Variants in TNRC6C observed in about 807,000 individuals in gnomAD.
TNRC6C encodes the protein trinucleotide repeat containing adaptor 6C, also known as trinucleotide repeat-containing gene 6C protein.
In TNRC6C, 20 loss-of-function variants were observed where a neutral mutation model predicts 153.7. That is an observed-to-expected ratio of 0.13 (90% CI 0.09 to 0.19). The LOEUF (loss-of-function observed/expected upper bound fraction) is 0.19. TNRC6C is among the 10% of genes least tolerant of loss of function. The pLI, the probability that TNRC6C is intolerant of heterozygous loss-of-function variation, is 1.00. For synonymous variants in TNRC6C, 811 were observed against 841.4 expected (o/e 0.96, Z 0.63); for missense variants, 1,987 against 2,172.0 (o/e 0.91, Z 1.69).
chr17:77,981,472 T>TA (rs2071076746), intron 1 of TNRC6C, among the ~76,000 whole-genome samples: 1 of 152,202 alleles, frequency 6.6e-6, no homozygotes, highest in Non-Finnish European at 1.5e-5. Context: ...AAAAAGACAT[T>TA]ACTTTGGAGT....
intron 2 of TNRC6C, among the ~76,000 whole-genome samples, chr17:78,046,231 G>A (rs1427895460): frequency 6.6e-6 from 1 of 151,210 alleles, no homozygotes; most frequent in Non-Finnish European, 1.5e-5. Flanking sequence ...GCCCAGGCTG[G>A]AGTGCAGTGG....
chr17:78,099,498 A>G lies in TNRC6C; in HGVS notation c.4501+961A>G, dbSNP rs573893100. On this transcript the variant is annotated intron_variant, in intron 17 of 19. Coordinates refer to ENST00000301624, the Ensembl canonical transcript of TNRC6C. ...CATGGCAGCAGACAAGAAGAGAGAGAGAGCTTGTGCAGGGAAACTCCCATT... is the reference window on the plus strand; with the variant it reads ...CATGGCAGCAGACAAGAAGAGAGAGGGAGCTTGTGCAGGGAAACTCCCATT... Among the ~76,000 whole-genome samples, 276 of 152,306 alleles carry G rather than the reference A, an allele frequency of 1.8e-3. 1 individual carries two copies. Among genetic ancestry groups the G allele is most frequent in the Non-Finnish European group, 3.1e-3 (210 of 68,024 alleles).
intron 11 of TNRC6C, among the ~76,000 whole-genome samples, chr17:78,084,563 A>G (rs1427073598): frequency 1.3e-5 from 2 of 151,844 alleles, no homozygotes; most frequent in Admixed American, 1.3e-4. Flanking sequence ...ACAGAGCTCT[A>G]GACATGAGGT....
At chr17:78,044,749 C>T (rs1007524975) in intron 2 of TNRC6C, among the ~76,000 whole-genome samples, 1 of 152,200 alleles carries the variant, frequency 6.6e-6, no homozygotes, top group African/African-American at 2.4e-5. Context: ...GTAGTTGTGA[C>T]AGAGACTATA....
At chr17:77,958,734 C>G (rs557415876), upstream of TNRC6C, among the ~76,000 whole-genome samples, 1 of 151,280 alleles carries the variant, frequency 6.6e-6, no homozygotes, top group South Asian at 2.1e-4. Flanking sequence ...GCGGTGGCAG[C>G]TCCGCACCTC....
chr17:78,089,499 C>T (rs1048115474), intron 13 of TNRC6C, among the ~76,000 whole-genome samples: 2 of 152,114 alleles, frequency 1.3e-5, no homozygotes, highest in African/African-American at 2.4e-5. Context: ...GTTGAAGAGC[C>T]TGTTAGACAC....
chr17:78,086,713 G>A, intron 12 of TNRC6C, 127 bp downstream of exon 14: 1 of 1,557,210 alleles, frequency 6.4e-7, no homozygotes, highest in Non-Finnish European at 8.8e-7. Context: ...AAAATTCCTG[G>A]GTTCAGCTAG....
At chr17:77,976,373 A>T (rs371578159) in intron 1 of TNRC6C, among the ~76,000 whole-genome samples, 22 of 152,222 alleles carry the variant, frequency 1.4e-4, no homozygotes, top group African/African-American at 4.8e-4. Flanking sequence ...TGAGCAAAAG[A>T]TGTGGGATAG....
intron 5 of TNRC6C, 85 bp downstream of exon 7, chr17:78,068,008 A>C: frequency 6.8e-7 from 1 of 1,481,076 alleles, no homozygotes; most frequent in African/African-American, 1.4e-5. Context: ...TCAGACAAAA[A>C]GATAGACCTG....
Position 77,986,479 on chromosome 17 carries a change from G to A in TNRC6C, c.-37-17691G>A, listed in dbSNP as rs527728333. 7.9e-5 allele frequency among the ~76,000 whole-genome samples: 12 copies of A among 151,862 alleles called. 1 individual carries two copies. The highest frequency in any genetic ancestry group is 2.9e-4 in the African/African-American group (12 of 41,436). Reference sequence around the variant, plus strand: ...TGAAAGAGGGAAAAAATGGAGAGATGTTCTCAAATAGGAAAATTAATTCTT... The same window carrying A: ...TGAAAGAGGGAAAAAATGGAGAGATATTCTCAAATAGGAAAATTAATTCTT... On this transcript the variant is annotated intron_variant, in intron 1 of 22. Transcript: ENST00000636222.
chr17:78,086,933 G>T, exon 13 of TNRC6C: 1 of 1,612,522 alleles, frequency 6.2e-7, no homozygotes. Context: ...TCGTGAAGCA[G>T]CCACCACCGC....
At chr17:78,096,447 G>T (rs1487281358) in intron 16 of TNRC6C, among the ~76,000 whole-genome samples, 1 of 152,190 alleles carries the variant, frequency 6.6e-6, no homozygotes, top group Non-Finnish European at 1.5e-5. Flanking sequence ...GTGAAGACCT[G>T]CAGATTACCC....
intron 1 of TNRC6C, among the ~76,000 whole-genome samples, chr17:77,963,554 CTGTT>C (rs1045748565): frequency 2.6e-5 from 4 of 152,120 alleles, no homozygotes; most frequent in African/African-American, 7.2e-5. Context: ...GAATGGAGAG[CTGTT>C]TGTTAAGAAT....
chr17:78,015,678 G>C (rs1482827746), intron 1 of TNRC6C, among the ~76,000 whole-genome samples: 1 of 152,202 alleles, frequency 6.6e-6, no homozygotes, highest in Admixed American at 6.5e-5. Context: ...TTGGGAGGCC[G>C]AGGTGGGCGG....
intron 17 of TNRC6C, among the ~76,000 whole-genome samples, chr17:78,101,321 C>T (rs925820655): frequency 8.5e-5 from 13 of 152,164 alleles, no homozygotes; most frequent in African/African-American, 2.2e-4. Flanking sequence ...CATCTGAGAC[C>T]GCTGCAGCCT....
chr17:78,072,893 G>A (rs1490357912), intron 6 of TNRC6C, 144 bp from the exon 9 acceptor site: 2 of 556,218 alleles, frequency 3.6e-6, no homozygotes, highest in Non-Finnish European at 6.4e-6. Context: ...AAAAGACATT[G>A]TCTCTAACCT....
chr17:77,999,789 G>A (rs111785706), upstream of TNRC6C, among the ~76,000 whole-genome samples: 4,351 of 152,238 alleles, frequency 0.029, 189 homozygotes, highest in African/African-American at 0.099. Context: ...GCTGAATGCC[G>A]TTCCTTGCAG....
Position 78,049,512 on chromosome 17 carries a change from T to C in TNRC6C, c.450T>C (p.Ala150=), listed in dbSNP as rs567216455. Residue 150 remains alanine, a synonymous_variant, in exon 3 of 20, where the codon GCT becomes GCC. Coordinates refer to ENST00000301624, the Ensembl canonical transcript of TNRC6C. The surrounding 1 kb of genome is among the most constrained non-coding windows in gnomAD (Gnocchi z 4.1). ...GGAACCCAACAGGCACTTTAGGTGC[T>C]TGGGGAAACTTGCTGCCACAAGAGA... 6.2e-7 allele frequency: 1 copy of C among 1,614,024 alleles called. No individual in the cohort carries two copies. The highest frequency in any genetic ancestry group is 2.2e-5 in the East Asian group (1 of 44,880).
intron 1 of TNRC6C, among the ~76,000 whole-genome samples, chr17:78,028,762 A>G (rs1353428270): frequency 1.3e-5 from 2 of 152,252 alleles, no homozygotes; most frequent in Admixed American, 6.5e-5. Context: ...AGAACTAGGC[A>G]TAAACTCATT....
Sources: allele counts gnomAD v4.1 joint callset (sites outside exome capture counted in the v4.1 genomes callset), GRCh38; gene constraint gnomAD v4.1.1; non-coding constraint Gnocchi (gnomAD v3.1); transcripts MANE v1.5; gene names NCBI Gene and HGNC (gene_info 2026-07-23, HGNC 2026-07-21).